PCDHA9: variants seen among roughly 807,000 people sequenced by gnomAD.
The protein encoded by PCDHA9 is protocadherin alpha 9, also known as protocadherin alpha-9.
PCDHA9 carries 62 observed loss-of-function variants against 62.0 expected under a neutral mutation model. That is an observed-to-expected ratio of 1.00 (90% CI 0.81 to 1.23). PCDHA9 has a LOEUF of 1.23. Among genes scored for constraint, PCDHA9 ranks in the 50% most tolerant of loss-of-function variants. The pLI, the probability that PCDHA9 is intolerant of heterozygous loss-of-function variation, is 0.00. For missense variants in PCDHA9, 1,205 were observed against 1,249.8 expected (o/e 0.96, Z 0.54); for synonymous variants, 557 against 567.6 (o/e 0.98, Z 0.27).
intron 1 of PCDHA9, among the ~76,000 whole-genome samples, chr5:140,964,393 C>T (rs782008532): frequency 6.6e-6 from 1 of 152,098 alleles, no homozygotes; most frequent in Admixed American, 6.5e-5. Context: ...GTTTTTCTCC[C>T]AAGACATGAC....
At chr5:140,986,951 T>C (rs1421822972) in intron 3 of PCDHA9, among the ~76,000 whole-genome samples, 1 of 152,128 alleles carries the variant, frequency 6.6e-6, no homozygotes, top group Non-Finnish European at 1.5e-5. Context: ...TGGTCGCTCA[T>C]GCCTGTAATT....
chr5:140,880,800 T>A (rs1453041032), intron 1 of PCDHA9, among the ~76,000 whole-genome samples: 1 of 152,130 alleles, frequency 6.6e-6, no homozygotes, highest in Admixed American at 6.6e-5. Context: ...TATAAATAGG[T>A]GAATGACTCT....
intron 1 of PCDHA9, among the ~76,000 whole-genome samples, chr5:140,914,408 T>C (rs917953173): frequency 6.6e-6 from 1 of 152,224 alleles, no homozygotes; most frequent in Non-Finnish European, 1.5e-5. Context: ...GCTCCTGTTT[T>C]GTTTCCATTA....
chr5:140,946,629 T>TATATATATATATATATATATAC (rs1367833800), intron 1 of PCDHA9, among the ~76,000 whole-genome samples: 1 of 123,274 alleles, frequency 8.1e-6, no homozygotes, highest in African/African-American at 3.0e-5. Context: ...TATATATATA[T>TATATATATATATATATATATAC]ATACAATGGA....
chr5:140,949,961 G>A lies in PCDHA9; in HGVS notation c.2395-28988G>A, dbSNP rs373865946. ...TTGCATTTTTTAGTGGTTGCTGTAA[G>A]GATTACAGCATACATACTTAACTTT... On this transcript the variant is annotated intron_variant, in intron 1 of 3. Transcript: ENST00000532602. Among the ~76,000 whole-genome samples, 68 of 151,658 alleles carry A rather than the reference G, an allele frequency of 4.5e-4. 1 individual carries two copies. The East Asian group carries it at 0.012, about 28-fold the overall frequency.
At chr5:140,904,558 T>C (rs1288543737) in intron 1 of PCDHA9, among the ~76,000 whole-genome samples, 1 of 152,082 alleles carries the variant, frequency 6.6e-6, no homozygotes, top group Non-Finnish European at 1.5e-5. Flanking sequence ...ATAATGACTT[T>C]TTTTTCCTCT....
At chr5:140,867,685 T>C (rs2050105980) in intron 1 of PCDHA9, 1 of 152,116 alleles carries the variant, frequency 6.6e-6, no homozygotes, top group African/African-American at 2.4e-5. Context: ...TGTTGCATCT[T>C]CTTTTTTTCC....
Position 140,857,792 on chromosome 5 carries a change from C to T in PCDHA9, c.2394+6903C>T, listed in dbSNP as rs368399538. 21 of 1,597,428 alleles carry T rather than the reference C, an allele frequency of 1.3e-5. 1 individual carries two copies. In the African/African-American group the frequency reaches 2.6e-4, roughly 19 times the overall value. On this transcript the variant is annotated intron_variant, in intron 1 of 3. Coordinates refer to ENST00000532602, the MANE Select transcript of PCDHA9 (RefSeq NM_031857.2). ...CGGTGCAGTCAGTGAGCTGGTGCTGCGGTCGGTGGTTGCGGGTCACGTGGT... is the reference window on the plus strand; with the variant it reads ...CGGTGCAGTCAGTGAGCTGGTGCTGTGGTCGGTGGTTGCGGGTCACGTGGT...
At chr5:140,982,364 T>A in intron 2 of PCDHA9, 111 bp from the exon 3 acceptor site, 1 of 1,534,660 alleles carries the variant, frequency 6.5e-7, no homozygotes, top group Non-Finnish European at 8.8e-7. Flanking sequence ...ATGAGCAGAA[T>A]GTGTTAGCTG....
At chr5:140,901,697 C>T (rs57431111) in intron 1 of PCDHA9, among the ~76,000 whole-genome samples, 1,867 of 152,140 alleles carry the variant, frequency 0.012, 40 homozygotes, top group African/African-American at 0.043. Context: ...TTTTGTAGTT[C>T]TATATACATT....
chr5:140,973,450 T>C (rs1326852534), intron 1 of PCDHA9, among the ~76,000 whole-genome samples: 1 of 152,250 alleles, frequency 6.6e-6, no homozygotes, highest in Non-Finnish European at 1.5e-5. Context: ...TTATAATGAC[T>C]GGGGCTGTTT....
At chr5:140,882,460 C>T in intron 1 of PCDHA9, 4 of 1,613,998 alleles carry the variant, frequency 2.5e-6, no homozygotes, top group Non-Finnish European at 3.4e-6. Context: ...CGCGCCTGTT[C>T]CGGGTGGCGT....
At chr5:141,000,419 ATATTTTTT>A (rs1194100555) in intron 3 of PCDHA9, among the ~76,000 whole-genome samples, 4 of 60,996 alleles carry the variant, frequency 6.6e-5, no homozygotes, top group African/African-American at 2.3e-4. Flanking sequence ...ATATATATAT[ATATTTTTT>A]TTTTTTTTTT....
rs1474245483 is a variant in PCDHA9, at chr5:140,946,429, A to C, written c.2395-32520A>C. Reference sequence around the variant, plus strand: ...ATAGAAAACAATATGGAGGTTACTCAAAAATTGAGACTAAAACAACTATCC... The same window carrying C: ...ATAGAAAACAATATGGAGGTTACTCCAAAATTGAGACTAAAACAACTATCC... On this transcript the variant is annotated intron_variant, in intron 1 of 3. Coordinates refer to ENST00000532602, the MANE Select transcript of PCDHA9 (RefSeq NM_031857.2). 2.0e-5 allele frequency among the ~76,000 whole-genome samples: 3 copies of C among 151,826 alleles called. No homozygotes were observed. In the East Asian group the frequency reaches 5.8e-4, roughly 29 times the overall value.
At chr5:140,969,933 C>T (rs2096370749) in intron 1 of PCDHA9, among the ~76,000 whole-genome samples, 1 of 152,192 alleles carries the variant, frequency 6.6e-6, no homozygotes, top group South Asian at 2.1e-4. Context: ...ATTTAGACAT[C>T]ATACTGAAGC....
chr5:140,878,784 C>T (rs2057723762), intron 1 of PCDHA9, among the ~76,000 whole-genome samples: 1 of 152,156 alleles, frequency 6.6e-6, no homozygotes, highest in Non-Finnish European at 1.5e-5. Flanking sequence ...AGTATATGTT[C>T]AATCACTTTT....
intron 1 of PCDHA9, chr5:140,871,151 C>T: frequency 6.2e-7 from 1 of 1,613,328 alleles, no homozygotes; most frequent in Non-Finnish European, 8.5e-7. Flanking sequence ...CGGACTTTGG[C>T]GGGCGCCGCG....
rs782354452 is a variant in PCDHA9, at chr5:140,966,783, C to G, written c.2395-12166C>G. 28 of 1,520,948 alleles carry G rather than the reference C, an allele frequency of 1.8e-5. No homozygotes were observed. The highest frequency in any genetic ancestry group is 2.1e-4 in the Middle Eastern group (1 of 4,706). The allele number at this position is 1,520,948 out of a possible 1,614,324, so 94.2% of individuals were successfully genotyped here. On this transcript the variant is annotated intron_variant, in intron 1 of 3. Transcript: ENST00000532602. ...CCAGTGGCTATGGAGCAGGCGGGCA[C>G]CAGACCTGCGGCGACAGAGCATCCA...
chr5:140,891,767 A>C (rs1350557618), intron 1 of PCDHA9, among the ~76,000 whole-genome samples: 2 of 152,156 alleles, frequency 1.3e-5, no homozygotes, highest in African/African-American at 2.4e-5. Context: ...GAGGTGGGGA[A>C]TTTCAGGAAA....
Sources: allele counts gnomAD v4.1 joint callset (sites outside exome capture counted in the v4.1 genomes callset), GRCh38; gene constraint gnomAD v4.1.1; transcripts MANE v1.5; gene names NCBI Gene and HGNC (gene_info 2026-07-23, HGNC 2026-07-21).